Variants in ELMO1 observed in about 807,000 individuals in gnomAD.
ELMO1 encodes the protein engulfment and cell motility protein 1.
ELMO1 carries 26 observed loss-of-function variants against 98.9 expected under a neutral mutation model. That is an observed-to-expected ratio of 0.26 (90% CI 0.19 to 0.36). ELMO1 has a LOEUF of 0.36. Ranked by LOEUF, ELMO1 falls within the 10% of genes least tolerant of loss-of-function variation. The probability of loss-of-function intolerance (pLI) is 1.00; values close to 1 mark genes in which losing one functional copy is unlikely to be tolerated. For synonymous variants in ELMO1, 346 were observed against 346.0 expected, an observed-to-expected ratio of 1.00 and a Z score of 0.00; for missense variants, 627 against 935.2, an observed-to-expected ratio of 0.67 and a Z score of 4.30.
chr7:37,115,587 G>A (rs895915346), intron 14 of ELMO1, among the ~76,000 whole-genome samples: 4 of 152,024 alleles, frequency 2.6e-5, no homozygotes, highest in African/African-American at 9.7e-5. Context: ...ACTAAGAATA[G>A]AGCAGTTCCT....
chr7:37,167,560 C>T (rs1272095776), intron 13 of ELMO1, among the ~76,000 whole-genome samples: 1 of 150,522 alleles, frequency 6.6e-6, no homozygotes. Flanking sequence ...TCAGCATTTG[C>T]TTGTCTGTAA....
rs377693525 is a variant in ELMO1, at chr7:36,855,359, GA to G, written c.*191del. 6.8e-4 allele frequency: 443 copies of G among 650,324 alleles called. 1 individual carries two copies. The African/African-American group carries it at 7.4e-3, about 11-fold the overall frequency. The allele number at this position is 650,324 out of a possible 1,614,324, so 40.3% of individuals were successfully genotyped here. On this transcript the variant is annotated 3_prime_UTR_variant, in exon 22 of 22. Transcript: ENST00000310758. This position sits in a 1 kb window ranked among gnomAD's most constrained non-coding sequence, Gnocchi z 4.2. ...CCTGAAGCAGTGGAGCCGAGGAACAGAATCAGGGCGGTGAGCAAGATGCCAG... is the reference window on the plus strand; with the variant it reads ...CCTGAAGCAGTGGAGCCGAGGAACAGATCAGGGCGGTGAGCAAGATGCCAG...
At chr7:36,949,761 A>C (rs1176391135) in intron 16 of ELMO1, among the ~76,000 whole-genome samples, 1 of 151,920 alleles carries the variant, frequency 6.6e-6, no homozygotes, top group African/African-American at 2.4e-5. Flanking sequence ...TTAGCAGCAT[A>C]TCTCTGGCCT....
chr7:36,866,952 G>A (rs1007020441), intron 20 of ELMO1, among the ~76,000 whole-genome samples: 3 of 152,246 alleles, frequency 2.0e-5, no homozygotes, highest in African/African-American at 7.2e-5. Context: ...TCTGCCTTTT[G>A]ATGTTTTGCT....
intron 14 of ELMO1, among the ~76,000 whole-genome samples, chr7:37,124,715 G>T (rs1247515666): frequency 6.6e-6 from 1 of 152,124 alleles, no homozygotes; most frequent in Non-Finnish European, 1.5e-5. Context: ...ACTGCTCAAG[G>T]TAATTTATAG....
chr7:37,084,179 C>T (rs1783633280), intron 15 of ELMO1, among the ~76,000 whole-genome samples: 1 of 151,950 alleles, frequency 6.6e-6, no homozygotes. Context: ...TGAGGAGGAG[C>T]GGGAGGGAGA....
At chr7:36,865,600 G>C (rs924995881) in intron 20 of ELMO1, among the ~76,000 whole-genome samples, 15 of 152,160 alleles carry the variant, frequency 9.9e-5, no homozygotes, top group Non-Finnish European at 2.1e-4. Flanking sequence ...TGCCTTTTCA[G>C]ACTTTTTCCT....
chr7:37,409,787 A>G (rs569951961), intron 1 of ELMO1, among the ~76,000 whole-genome samples: 1 of 152,342 alleles, frequency 6.6e-6, no homozygotes, highest in Admixed American at 6.5e-5. Context: ...CTGTTGGTCA[A>G]AGCTGTCACA....
intron 7 of ELMO1, among the ~76,000 whole-genome samples, chr7:37,236,089 A>G (rs1038637622): frequency 2.0e-5 from 3 of 152,236 alleles, no homozygotes; most frequent in South Asian, 2.1e-4. Context: ...TATGAAAGCA[A>G]TATGACTCTG....
In ELMO1 at chr7:36,855,203, C is replaced by A; in HGVS notation, c.*348G>T. On this transcript the variant is annotated 3_prime_UTR_variant, in exon 22 of 22. Coordinates refer to ENST00000310758, the MANE Select transcript of ELMO1 (RefSeq NM_014800.11). This position sits in a 1 kb window ranked among gnomAD's most constrained non-coding sequence, Gnocchi z 4.2. Reference sequence around the variant, plus strand: ...GGGCAAGTTTTTGGGCAGTCTGGGGCTGCTGGCTTTCCTGCCCAAGGGAAG... The same window carrying A: ...GGGCAAGTTTTTGGGCAGTCTGGGGATGCTGGCTTTCCTGCCCAAGGGAAG... 1 of 324,312 alleles carries A rather than the reference C, an allele frequency of 3.1e-6. No homozygotes were observed. Among genetic ancestry groups the A allele is most frequent in the Admixed American group, 4.6e-5 (1 of 21,954 alleles). The allele number at this position is 324,312 out of a possible 1,614,324, so 20.1% of individuals were successfully genotyped here.
chr7:37,350,029 A>G (rs1346334583), intron 1 of ELMO1, among the ~76,000 whole-genome samples: 1 of 152,164 alleles, frequency 6.6e-6, no homozygotes, highest in Non-Finnish European at 1.5e-5. Flanking sequence ...TGGTGGGCAC[A>G]TGTCCCCCCA....
At chr7:37,395,042 A>G (rs1803232360) in intron 1 of ELMO1, among the ~76,000 whole-genome samples, 1 of 152,062 alleles carries the variant, frequency 6.6e-6, no homozygotes, top group Non-Finnish European at 1.5e-5. Flanking sequence ...GCAGTACTAG[A>G]AAGAGAGAGA....
intron 14 of ELMO1, among the ~76,000 whole-genome samples, chr7:37,110,770 A>G (rs922024423): frequency 6.6e-5 from 10 of 152,132 alleles, no homozygotes; most frequent in African/African-American, 2.2e-4. Flanking sequence ...GACTTTCCCA[A>G]TCAGCCCCAT....
chr7:37,218,545 T>C (rs1049969523), intron 10 of ELMO1, among the ~76,000 whole-genome samples: 1 of 152,352 alleles, frequency 6.6e-6, no homozygotes, highest in Non-Finnish European at 1.5e-5. Context: ...TAAGGAATTA[T>C]TGGAGTAAAT....
chr7:36,890,536 G>A (rs1805462581), intron 17 of ELMO1, among the ~76,000 whole-genome samples: 1 of 152,140 alleles, frequency 6.6e-6, no homozygotes, highest in Non-Finnish European at 1.5e-5. Context: ...CCCAAACCGT[G>A]AGTTCATCCT....
chr7:37,302,343 T>G lies in ELMO1; in HGVS notation c.192+12507A>C, dbSNP rs1261163550. On this transcript the variant is annotated intron_variant, in intron 4 of 21. Transcript: ENST00000310758. ...GCAGGCTTGTGACTACTTGGAGAGA[T>G]AAAGTACAGCAGAAATGATCCTGTA... 4.6e-5 allele frequency among the ~76,000 whole-genome samples: 7 copies of G among 152,204 alleles called. No individual in the cohort carries two copies. The East Asian group carries it at 1.2e-3, about 25-fold the overall frequency.
At chr7:37,141,940 G>T (rs748196672) in intron 13 of ELMO1, among the ~76,000 whole-genome samples, 1 of 152,154 alleles carries the variant, frequency 6.6e-6, no homozygotes, top group Non-Finnish European at 1.5e-5. Flanking sequence ...CTGCCTACTG[G>T]CCACAGTCCA....
chr7:36,892,732 G>A (rs914859990), intron 17 of ELMO1, among the ~76,000 whole-genome samples: 1 of 152,102 alleles, frequency 6.6e-6, no homozygotes, highest in Non-Finnish European at 1.5e-5. Flanking sequence ...ACCCTCTGCC[G>A]GCTTCAGAGA....
intron 1 of ELMO1, among the ~76,000 whole-genome samples, chr7:37,344,054 CAG>C (rs1354482597): frequency 2.0e-5 from 1 of 50,978 alleles, no homozygotes; most frequent in Non-Finnish European, 4.6e-5. Context: ...TTTTTTGAGA[CAG>C]AGTCTCCCTC....
Sources: gnomAD v4.1 joint callset for allele counts (sites outside exome capture counted in the v4.1 genomes callset) on GRCh38, gnomAD v4.1.1 for gene constraint, Gnocchi (gnomAD v3.1) non-coding constraint, MANE v1.5 for transcripts, NCBI Gene and HGNC (gene_info 2026-07-23, HGNC 2026-07-21) for gene names.